The following ITGA1 variants were observed in gnomAD, a reference collection of about 807,000 sequenced individuals.
The protein encoded by ITGA1 is integrin alpha-1.
ITGA1 carries 85 observed loss-of-function variants against 145.9 expected under a neutral mutation model. That is an observed-to-expected ratio of 0.58 (90% CI 0.49 to 0.70). ITGA1 has a LOEUF of 0.70. Among genes scored for constraint, ITGA1 ranks in the 30% least tolerant of loss-of-function variants. The pLI, the probability that ITGA1 is intolerant of heterozygous loss-of-function variation, is 0.00. For missense variants in ITGA1, 1,351 were observed against 1,418.7 expected, an observed-to-expected ratio of 0.95 and a Z score of 0.77; for synonymous variants, 520 against 495.3, an observed-to-expected ratio of 1.05 and a Z score of -0.66.
At chr5:52,796,034 T>TGAG (rs1748335331) in intron 1 of ITGA1, among the ~76,000 whole-genome samples, 1 of 151,928 alleles carries the variant, frequency 6.6e-6, no homozygotes, top group Non-Finnish European at 1.5e-5. Context: ...TGAAAACAAA[T>TGAG]ATGTTAGGAT....
At chr5:52,848,735 A>T (rs1017645317) in intron 1 of ITGA1, among the ~76,000 whole-genome samples, 1 of 41,406 alleles carries the variant, frequency 2.4e-5, no homozygotes, top group African/African-American at 9.2e-5. Context: ...CCCTCCCCCC[A>T]CCACACAACA....
chr5:52,899,594 TGACAAAC>T (rs1750282967), intron 11 of ITGA1, among the ~76,000 whole-genome samples: 1 of 152,006 alleles, frequency 6.6e-6, no homozygotes, highest in African/African-American at 2.4e-5. Context: ...AAGGAGAAAA[TGACAAAC>T]TAGGATGTGC....
chr5:52,839,080 G>A (rs967105874), intron 1 of ITGA1, among the ~76,000 whole-genome samples: 1 of 152,124 alleles, frequency 6.6e-6, no homozygotes, highest in Non-Finnish European at 1.5e-5. Flanking sequence ...CTGGGTGACT[G>A]AGTGAGACCC....
At chr5:52,881,292 T>C (rs557283993) in intron 6 of ITGA1, among the ~76,000 whole-genome samples, 2 of 152,290 alleles carry the variant, frequency 1.3e-5, no homozygotes, top group East Asian at 1.9e-4. Flanking sequence ...TTCTTTCCAT[T>C]CTTAGGGTAG....
intron 14 of ITGA1, among the ~76,000 whole-genome samples, chr5:52,913,141 G>C (rs1206150813): frequency 6.6e-6 from 1 of 151,964 alleles, no homozygotes; most frequent in Non-Finnish European, 1.5e-5. Context: ...TTAAAAAAAA[G>C]AATACTTTGT....
intron 14 of ITGA1, among the ~76,000 whole-genome samples, chr5:52,912,750 A>ATT (rs1290275331): frequency 2.1e-5 from 3 of 144,722 alleles, no homozygotes; most frequent in African/African-American, 8.0e-5. Context: ...GTATATATAT[A>ATT]TATATTTTTT....
chr5:52,945,860 A>G (rs1441640680), intron 27 of ITGA1, among the ~76,000 whole-genome samples: 1 of 152,268 alleles, frequency 6.6e-6, no homozygotes, highest in Non-Finnish European at 1.5e-5. Context: ...AAAGGAAAAT[A>G]CATGCATATA....
chr5:52,933,239 G>A (rs1017970481), intron 22 of ITGA1: 4 of 151,966 alleles, frequency 2.6e-5, no homozygotes, highest in Non-Finnish European at 5.9e-5. Context: ...GGACATACAT[G>A]TAGATTGTGC....
chr5:52,846,157 T>G (rs1281238815), intron 1 of ITGA1, among the ~76,000 whole-genome samples: 1 of 152,134 alleles, frequency 6.6e-6, no homozygotes, highest in Non-Finnish European at 1.5e-5. Flanking sequence ...TCCCAGCACT[T>G]CTGGAGGCCA....
At chr5:52,916,604 T>C (rs1252090457) in intron 15 of ITGA1, among the ~76,000 whole-genome samples, 2 of 151,622 alleles carry the variant, frequency 1.3e-5, no homozygotes, top group Non-Finnish European at 2.9e-5. Context: ...ATAATCACTA[T>C]TTAAAAAAAA....
At chr5:52,793,980 TC>T (rs1748291178) in intron 1 of ITGA1, among the ~76,000 whole-genome samples, 1 of 152,050 alleles carries the variant, frequency 6.6e-6, no homozygotes, top group Non-Finnish European at 1.5e-5. Context: ...ATCAAAACTT[TC>T]CTATGATTTA....
chr5:52,850,770 A>C (rs935862065), intron 2 of ITGA1, among the ~76,000 whole-genome samples: 1 of 152,294 alleles, frequency 6.6e-6, no homozygotes, highest in East Asian at 1.9e-4. Flanking sequence ...ACCCAATGCT[A>C]CATGCTAAAT....
intron 19 of ITGA1, 149 bp from the exon 20 acceptor site, chr5:52,927,435 G>A (rs1343793776): frequency 1.7e-6 from 1 of 583,102 alleles, no homozygotes; most frequent in Admixed American, 3.1e-5. Context: ...AGAACAGCTG[G>A]TCCCAGAATT....
At chr5:52,891,485 G>A (rs942859534) in intron 8 of ITGA1, among the ~76,000 whole-genome samples, 1 of 141,966 alleles carries the variant, frequency 7.0e-6, no homozygotes, top group African/African-American at 2.7e-5. Flanking sequence ...ACCACAATTT[G>A]TACTCTACTG....
intron 1 of ITGA1, 129 bp downstream of exon 1, chr5:52,788,543 T>A: frequency 1.4e-6 from 1 of 705,530 alleles, no homozygotes; most frequent in Non-Finnish European, 2.1e-6. Flanking sequence ...GCATTCCAGG[T>A]ACTCAGGCCA....
intron 19 of ITGA1, among the ~76,000 whole-genome samples, chr5:52,926,178 T>C (rs1194108154): frequency 6.6e-6 from 1 of 152,186 alleles, no homozygotes; most frequent in Non-Finnish European, 1.5e-5. Context: ...AAAACACTAT[T>C]GTCTACTTTC....
chr5:52,813,823 G>A (rs1355336500), intron 1 of ITGA1, among the ~76,000 whole-genome samples: 1 of 152,164 alleles, frequency 6.6e-6, no homozygotes, highest in East Asian at 1.9e-4. Context: ...TGGATTCTAG[G>A]TAGCCAAAAC....
chr5:52,800,416 A>G (rs1384725902), intron 1 of ITGA1: 2 of 1,614,054 alleles, frequency 1.2e-6, no homozygotes, highest in Middle Eastern at 1.7e-4. Flanking sequence ...GAGGAAGAAC[A>G]TCGAGAAGGA....
chr5:52,852,335 G>T (rs959980158), intron 2 of ITGA1, among the ~76,000 whole-genome samples: 1 of 152,124 alleles, frequency 6.6e-6, no homozygotes, highest in Non-Finnish European at 1.5e-5. Context: ...TTGGATTGGA[G>T]AATGGAGTTC....
Sources: allele counts gnomAD v4.1 joint callset (sites outside exome capture counted in the v4.1 genomes callset), GRCh38; gene constraint gnomAD v4.1.1; transcripts MANE v1.5; gene names NCBI Gene and HGNC (gene_info 2026-07-23, HGNC 2026-07-21).